The following CALN1 variants were observed in gnomAD, a reference collection of about 807,000 sequenced individuals.
CALN1 encodes calcium-binding protein 8.
A neutral mutation model predicts 30.6 loss-of-function variants in CALN1; 17 were observed. The observed-to-expected ratio is 0.56, with a 90% CI of 0.38 to 0.83. The LOEUF (loss-of-function observed/expected upper bound fraction) is 0.83. Ranked by LOEUF, CALN1 falls within the 40% of genes least tolerant of loss-of-function variation. The pLI is 0.00. For missense variants in CALN1, 291 were observed against 354.9 expected (o/e 0.82, Z 1.45); for synonymous variants, 156 against 131.4 (o/e 1.19, Z -1.28).
chr7:72,217,340 G>T (rs2129548809), intron 3 of CALN1, among the ~76,000 whole-genome samples: 1 of 152,176 alleles, frequency 6.6e-6, no homozygotes, highest in South Asian at 2.1e-4. Context: ...GGCAGGTCTG[G>T]GCCTGGGCAT....
At position 72,195,979 on chromosome 7, in the gene CALN1, G is replaced by T. The variant is rs184099443; in HGVS notation, c.244+82707C>A. ...CATTACACTCAATGAAAGAATATTTGATATTATTCCATTTATATGAAATGT... is the reference window on the plus strand; with the variant it reads ...CATTACACTCAATGAAAGAATATTTTATATTATTCCATTTATATGAAATGT... On this transcript the variant is annotated intron_variant, in intron 3 of 6. Coordinates refer to ENST00000395275, the MANE Select transcript of CALN1 (RefSeq NM_031468.4). 4.3e-3 allele frequency among the ~76,000 whole-genome samples: 652 copies of T among 152,254 alleles called. 7 individuals carry two copies. Among genetic ancestry groups the T allele is most frequent in the Non-Finnish European group, 7.2e-3 (491 of 68,028 alleles).
At chr7:72,453,203 G>A in the CALN1 span, among the ~76,000 whole-genome samples, 1 of 152,250 alleles carries the variant, frequency 6.6e-6, no homozygotes, top group Non-Finnish European at 1.5e-5. Context: ...ACTCAGGAAA[G>A]AATTCAAGAG....
At chr7:72,259,435 T>C (rs1796130231) in intron 3 of CALN1, among the ~76,000 whole-genome samples, 2 of 152,142 alleles carry the variant, frequency 1.3e-5, no homozygotes, top group East Asian at 1.9e-4. Context: ...TCACCACCTG[T>C]ACCTCATTAC....
intron 3 of CALN1, among the ~76,000 whole-genome samples, chr7:72,150,331 T>G (rs912497027): frequency 5.9e-5 from 9 of 152,214 alleles, no homozygotes; most frequent in African/African-American, 2.2e-4. Context: ...ATGGATCCAG[T>G]GCCTGGGATA....
chr7:72,297,505 G>C (rs1054504749), intron 2 of CALN1, among the ~76,000 whole-genome samples: 1 of 152,106 alleles, frequency 6.6e-6, no homozygotes, highest in Non-Finnish European at 1.5e-5. Flanking sequence ...TAAAACACTG[G>C]TTAAATGAAT....
intron 1 of CALN1, among the ~76,000 whole-genome samples, chr7:72,420,777 G>A (rs576073348): frequency 2.0e-3 from 302 of 151,832 alleles, no homozygotes; most frequent in Non-Finnish European, 3.3e-3. Flanking sequence ...CCGCCACTAC[G>A]CCCGGCTAAT....
At chr7:71,915,255 G>A (rs1177385539) in intron 5 of CALN1, among the ~76,000 whole-genome samples, 1 of 152,206 alleles carries the variant, frequency 6.6e-6, no homozygotes, top group Non-Finnish European at 1.5e-5. Flanking sequence ...CACTTGCAAT[G>A]ACTGCCTTAG....
intron 3 of CALN1, among the ~76,000 whole-genome samples, chr7:72,183,701 TAAACTCATCAGGATTTCCATTTTA>T (rs1463677289): frequency 1.3e-5 from 2 of 152,150 alleles, no homozygotes; most frequent in African/African-American, 4.8e-5. Context: ...CTTGGAGAAA[TAAACTCATCAGGATTTCCATTTTA>T]AAAACACATG....
At chr7:72,126,330 T>C (rs557513388) in intron 3 of CALN1, among the ~76,000 whole-genome samples, 1 of 152,312 alleles carries the variant, frequency 6.6e-6, no homozygotes, top group Admixed American at 6.5e-5. Flanking sequence ...GCTTTTAGGT[T>C]GGTTCCATAA....
intron 5 of CALN1, among the ~76,000 whole-genome samples, chr7:71,937,526 G>A (rs1001966873): frequency 6.6e-6 from 1 of 151,988 alleles, no homozygotes; most frequent in Admixed American, 6.6e-5. Flanking sequence ...TGGACCAGAC[G>A]GGAGTCCGGT....
At chr7:71,878,401 C>CA (rs113054224) in intron 5 of CALN1, among the ~76,000 whole-genome samples, 19,250 of 126,188 alleles carry the variant, frequency 0.15, 1,835 homozygotes, top group East Asian at 0.45. Context: ...GACCCTGTCT[C>CA]AAAAAAAAAA....
In CALN1 at chr7:72,390,307, T is replaced by G. The variant is rs552354705; in HGVS notation, c.119+12944A>C. ...TTAGCGGGGCATGGTGGCAGGCACC[T>G]GTAATCTCAGCTACTCAGGAGGGTG... On this transcript the variant is annotated intron_variant, in intron 2 of 6. Transcript: ENST00000395275. Among the ~76,000 whole-genome samples, 95 of 152,164 alleles carry G rather than the reference T, an allele frequency of 6.2e-4. 1 individual carries two copies. The highest frequency in any genetic ancestry group is 2.2e-3 in the African/African-American group (90 of 41,494).
chr7:72,163,912 G>C (rs1413542003), intron 3 of CALN1, among the ~76,000 whole-genome samples: 1 of 151,884 alleles, frequency 6.6e-6, no homozygotes, highest in East Asian at 1.9e-4. Flanking sequence ...TCCATGATCA[G>C]ACTACCACAA....
intron 2 of CALN1, among the ~76,000 whole-genome samples, chr7:72,384,448 T>C (rs1465441072): frequency 2.0e-5 from 3 of 152,168 alleles, no homozygotes; most frequent in African/African-American, 4.8e-5. Context: ...ATAGAACTTA[T>C]ACCTTTTTAT....
At chr7:72,262,551 A>C (rs1796335258) in intron 3 of CALN1, among the ~76,000 whole-genome samples, 2 of 152,046 alleles carry the variant, frequency 1.3e-5, no homozygotes, top group African/African-American at 4.8e-5. Flanking sequence ...TTCCATTATT[A>C]TGTTCCCGTG....
chr7:72,155,150 C>T (rs895500788), intron 3 of CALN1, among the ~76,000 whole-genome samples: 1 of 152,118 alleles, frequency 6.6e-6, no homozygotes, highest in South Asian at 2.1e-4. Context: ...GAGGGAAGGA[C>T]ATTTGAGGGC....
intron 6 of CALN1, among the ~76,000 whole-genome samples, chr7:71,793,218 A>G (rs947840273): frequency 1.3e-5 from 2 of 152,138 alleles, no homozygotes; most frequent in Admixed American, 6.5e-5. Context: ...AGGCAGGAGA[A>G]TTGCTTGAAC....
chr7:72,026,625 A>G (rs1436486533), intron 4 of CALN1, among the ~76,000 whole-genome samples: 1 of 151,838 alleles, frequency 6.6e-6, no homozygotes, highest in East Asian at 2.0e-4. Context: ...TATGTTGCCC[A>G]GGCTGGTCTT....
intron 2 of CALN1, among the ~76,000 whole-genome samples, chr7:72,366,472 G>C (rs1027621220): frequency 6.6e-6 from 1 of 152,076 alleles, no homozygotes; most frequent in Non-Finnish European, 1.5e-5. Flanking sequence ...TACAGCGCCT[G>C]ATGTATTTTT....
Sources: allele counts gnomAD v4.1 joint callset (sites outside exome capture counted in the v4.1 genomes callset), GRCh38; gene constraint gnomAD v4.1.1; transcripts MANE v1.5; gene names NCBI Gene and HGNC (gene_info 2026-07-23, HGNC 2026-07-21).